Variants in INPP4B observed in about 807,000 individuals in gnomAD.
INPP4B encodes the protein inositol polyphosphate-4-phosphatase type II B, also known as inositol polyphosphate 4-phosphatase type II.
In INPP4B, 55 loss-of-function variants were observed where a neutral mutation model predicts 122.5. The ratio of observed to expected loss-of-function variants is 0.45; its 90% confidence interval spans 0.36 to 0.56. The LOEUF (loss-of-function observed/expected upper bound fraction) is 0.56. INPP4B is among the 20% of genes least tolerant of loss of function. The pLI is 0.00. For missense variants in INPP4B, 1,000 were observed against 1,097.7 expected, an observed-to-expected ratio of 0.91 and a Z score of 1.26; for synonymous variants, 403 against 388.7, an observed-to-expected ratio of 1.04 and a Z score of -0.43.
intron 3 of INPP4B, among the ~76,000 whole-genome samples, chr4:142,439,627 T>G (rs1273486239): frequency 6.6e-6 from 1 of 152,188 alleles, no homozygotes; most frequent in Admixed American, 6.5e-5. Context: ...GTCAAGAGTT[T>G]AATCAATTTT....
At chr4:142,172,976 A>C (rs1055426345) in intron 16 of INPP4B, among the ~76,000 whole-genome samples, 2 of 151,984 alleles carry the variant, frequency 1.3e-5, no homozygotes, top group African/African-American at 4.8e-5. Flanking sequence ...TTTCTATCAC[A>C]CAGCGAGCCG....
intron 1 of INPP4B, among the ~76,000 whole-genome samples, chr4:142,758,353 G>A (rs2150966569): frequency 6.6e-6 from 1 of 152,202 alleles, no homozygotes; most frequent in South Asian, 2.1e-4. Context: ...GGGAATTAAT[G>A]TATGAACATT....
intron 1 of INPP4B, among the ~76,000 whole-genome samples, chr4:142,740,552 T>C (rs1345869204): frequency 2.0e-5 from 3 of 152,066 alleles, no homozygotes; most frequent in African/African-American, 7.2e-5. Flanking sequence ...GGTACATTGG[T>C]GGTGTTTACT....
At chr4:142,725,394 A>AT (rs1312081359) in intron 2 of INPP4B, among the ~76,000 whole-genome samples, 5 of 151,974 alleles carry the variant, frequency 3.3e-5, no homozygotes, top group South Asian at 2.1e-4. Context: ...TCATATTGAA[A>AT]TTTTTTTTGT....
At chr4:142,547,660 G>A (rs561667204) in intron 2 of INPP4B, among the ~76,000 whole-genome samples, 18 of 152,280 alleles carry the variant, frequency 1.2e-4, no homozygotes, top group African/African-American at 3.9e-4. Context: ...AAGTGACAGC[G>A]TGTTGAATGA....
intron 2 of INPP4B, among the ~76,000 whole-genome samples, chr4:142,573,356 G>A (rs982367146): frequency 6.6e-6 from 1 of 151,948 alleles, no homozygotes; most frequent in African/African-American, 2.4e-5. Flanking sequence ...TTAAAAAACC[G>A]TTCCTTCTCT....
intron 4 of INPP4B, 42 bp from the exon 5 acceptor site, chr4:142,429,259 A>C (rs1381144513): frequency 9.8e-7 from 1 of 1,016,328 alleles, no homozygotes; most frequent in Admixed American, 2.0e-5. Context: ...AAAAAATTGA[A>C]TTATCAAGAA....
At chr4:142,063,118 G>T (rs1298034210) in intron 25 of INPP4B, among the ~76,000 whole-genome samples, 1 of 152,126 alleles carries the variant, frequency 6.6e-6, no homozygotes, top group African/African-American at 2.4e-5. Context: ...CAGGGATGTG[G>T]CAAAAATATC....
intron 1 of INPP4B, among the ~76,000 whole-genome samples, chr4:142,796,602 A>G (rs1037763553): frequency 1.3e-5 from 2 of 152,008 alleles, no homozygotes; most frequent in Non-Finnish European, 1.5e-5. Context: ...ATATAAAGGC[A>G]GAGCCACCAG....
At chr4:142,644,883 G>A (rs900191150) in intron 2 of INPP4B, among the ~76,000 whole-genome samples, 1 of 123,676 alleles carries the variant, frequency 8.1e-6, no homozygotes, top group African/African-American at 3.0e-5. Context: ...TCCAGCCTGA[G>A]TGACAGAGCA....
rs567909386 is a variant in INPP4B, at chr4:142,541,011, T to G, written c.-190-78285A>C. On this transcript the variant is annotated intron_variant, in intron 2 of 25. Coordinates refer to ENST00000262992, the MANE Select transcript of INPP4B (RefSeq NM_001101669.3). ...AGAAAGACATGGTCGTCACATTGTT[T>G]GGGATGCTAGCAGTCCACATCCTAT... is the stretch of plus-strand genomic sequence containing the variant. Among the ~76,000 whole-genome samples the G allele has an allele frequency of 3.3e-5, 5 of 152,310 alleles. No individual in the cohort carries two copies. The East Asian group carries it at 7.7e-4, about 24-fold the overall frequency.
intron 16 of INPP4B, among the ~76,000 whole-genome samples, chr4:142,171,687 C>T (rs1440529431): frequency 6.6e-6 from 1 of 151,714 alleles, no homozygotes. Flanking sequence ...GGCTTGCAAA[C>T]TTAACTTAAA....
Position 142,305,460 on chromosome 4 carries a change from C to T in INPP4B, c.501G>A (p.Leu167=), listed in dbSNP as rs760280848. Reference sequence around the variant, plus strand: ...TTTCTACAAACAAAGAGACCCACCTCAGGCTCAGGACCAGCAATTGCTCCT... The same window carrying T: ...TTTCTACAAACAAAGAGACCCACCTTAGGCTCAGGACCAGCAATTGCTCCT... The part of the protein sequence containing the change: ...KSKEQLLVLS[L]RTSDGGKVVG... Residue 167 remains leucine, a splice_region_variant and synonymous_variant, in exon 9 of 26, where the codon CTG becomes CTA. Coordinates refer to ENST00000262992, the MANE Select transcript of INPP4B (RefSeq NM_001101669.3). 6.2e-7 allele frequency: 1 copy of T among 1,610,844 alleles called. No individual in the cohort carries two copies. Among genetic ancestry groups the T allele is most frequent in the Non-Finnish European group, 8.5e-7 (1 of 1,177,824 alleles).
intron 7 of INPP4B, among the ~76,000 whole-genome samples, chr4:142,365,403 C>T (rs1195600023): frequency 1.4e-4 from 22 of 152,072 alleles, no homozygotes. Context: ...TTGTGCTTCT[C>T]CACAGAAATG....
chr4:142,356,376 T>A (rs1783619984), intron 7 of INPP4B, among the ~76,000 whole-genome samples: 2 of 151,132 alleles, frequency 1.3e-5, no homozygotes, highest in Non-Finnish European at 3.0e-5. Context: ...AGGGGTCAAG[T>A]AAGGGAGAAA....
At chr4:142,202,807 C>G (rs183863987) in intron 14 of INPP4B, 1 of 984,466 alleles carries the variant, frequency 1.0e-6, no homozygotes, top group South Asian at 4.7e-5. Context: ...TGGGCGGGGC[C>G]GTGCTTGACA....
chr4:142,260,010 G>C (rs1306873212), intron 11 of INPP4B, among the ~76,000 whole-genome samples: 4 of 152,070 alleles, frequency 2.6e-5, no homozygotes, highest in Non-Finnish European at 4.4e-5. Context: ...TTTTGAGATG[G>C]AGTATCACTC....
At chr4:142,338,588 A>AT (rs1193288766) in intron 7 of INPP4B, among the ~76,000 whole-genome samples, 1 of 152,196 alleles carries the variant, frequency 6.6e-6, no homozygotes, top group African/African-American at 2.4e-5. Flanking sequence ...CTACCTTGAC[A>AT]TAAGCCCAAC....
rs756951062 is a variant in INPP4B, at chr4:142,287,806, C to T, written c.504-17032G>A. On this transcript the variant is annotated intron_variant, in intron 9 of 25. Coordinates refer to ENST00000262992, the MANE Select transcript of INPP4B (RefSeq NM_001101669.3). ...TATAATGCATCTTTATTTTAGTCTA[C>T]TTGGACTACCATAACAAAATAGCAT... is the stretch of plus-strand genomic sequence containing the variant. Among the ~76,000 whole-genome samples the T allele has an allele frequency of 2.0e-5, 3 of 152,150 alleles. No homozygotes were observed. In the East Asian group the frequency reaches 5.8e-4, roughly 29 times the overall value.
Sources: gnomAD v4.1 joint callset for allele counts (sites outside exome capture counted in the v4.1 genomes callset) on GRCh38, gnomAD v4.1.1 for gene constraint, MANE v1.5 for transcripts, NCBI Gene and HGNC (gene_info 2026-07-23, HGNC 2026-07-21) for gene names.